The following RBFOX1 variants were observed in gnomAD, a reference collection of about 807,000 sequenced individuals.
RBFOX1 encodes RNA binding protein fox-1 homolog 1.
In RBFOX1, 8 loss-of-function variants were observed where a neutral mutation model predicts 57.7. The ratio of observed to expected loss-of-function variants is 0.14; its 90% CI spans 0.08 to 0.25. The LOEUF (loss-of-function observed/expected upper bound fraction) is 0.25, where lower values mean the gene tolerates loss of function less well. Ranked by LOEUF, RBFOX1 falls within the 10% of genes least tolerant of loss-of-function variation. The pLI, the probability that RBFOX1 is intolerant of heterozygous loss-of-function variation, is 1.00. For synonymous variants in RBFOX1, 326 were observed against 222.4 expected (o/e 1.47, Z -4.15); for missense variants, 611 against 548.5 (o/e 1.11, Z -1.14).
chr16:7,636,946 C>G (rs554456834), intron 11 of RBFOX1, among the ~76,000 whole-genome samples: 2 of 152,134 alleles, frequency 1.3e-5, no homozygotes, highest in Non-Finnish European at 2.9e-5. Context: ...AACCTAATTA[C>G]CTCTCAAAAG....
intron 2 of RBFOX1, among the ~76,000 whole-genome samples, chr16:6,429,490 A>G (rs2094018054): frequency 6.6e-6 from 1 of 152,214 alleles, no homozygotes; most frequent in Non-Finnish European, 1.5e-5. Flanking sequence ...TCATTCATTC[A>G]TCCATGTGCA....
intron 5 of RBFOX1, among the ~76,000 whole-genome samples, chr16:7,535,824 T>C (rs1452991828): frequency 6.6e-6 from 1 of 152,242 alleles, no homozygotes; most frequent in African/African-American, 2.4e-5. Context: ...CACTGTGCCT[T>C]ATTCATCACT....
chr16:7,273,772 A>T (rs1004408128), intron 4 of RBFOX1, among the ~76,000 whole-genome samples: 9 of 152,304 alleles, frequency 5.9e-5, no homozygotes, highest in Admixed American at 3.3e-4. Flanking sequence ...TATTTGCCAT[A>T]CCCATTTCAT....
chr16:5,707,295 A>G (rs2051287264), intron 3 of RBFOX1, among the ~76,000 whole-genome samples: 1 of 152,196 alleles, frequency 6.6e-6, no homozygotes, highest in Non-Finnish European at 1.5e-5. Context: ...TTTGGGAGAA[A>G]GAAAATTGCT....
At chr16:5,456,967 G>T (rs2068649670) in intron 1 of RBFOX1, among the ~76,000 whole-genome samples, 2 of 152,076 alleles carry the variant, frequency 1.3e-5, no homozygotes, top group South Asian at 4.2e-4. Context: ...AACAAATATG[G>T]GTGAAGTGGC....
At chr16:7,167,824 T>C (rs2079875481) in intron 4 of RBFOX1, among the ~76,000 whole-genome samples, 1 of 151,424 alleles carries the variant, frequency 6.6e-6, no homozygotes, top group Non-Finnish European at 1.5e-5. Context: ...ACAAAAACCA[T>C]CTGGCCTGCA....
chr16:5,554,372 C>A (rs1177508069), intron 2 of RBFOX1, among the ~76,000 whole-genome samples: 1 of 151,908 alleles, frequency 6.6e-6, no homozygotes, highest in Admixed American at 6.6e-5. Flanking sequence ...GTAAAAAATG[C>A]AAGTTATATG....
At chr16:7,235,258 G>A (rs1603424170) in intron 4 of RBFOX1, among the ~76,000 whole-genome samples, 2 of 152,250 alleles carry the variant, frequency 1.3e-5, no homozygotes, top group Admixed American at 1.3e-4. Flanking sequence ...ACATTTCAGG[G>A]ATGGGTTACA....
At chr16:7,388,042 T>A (rs74012527) in intron 4 of RBFOX1, among the ~76,000 whole-genome samples, 2 of 151,976 alleles carry the variant, frequency 1.3e-5, no homozygotes, top group African/African-American at 4.8e-5. Context: ...TTTTTTGTTT[T>A]GCTTTTTTTT....
rs144598617 is a variant in RBFOX1, at chr16:5,667,417, A to T, written c.318+68456A>T. On this transcript the variant is annotated intron_variant, in intron 3 of 19. Coordinates refer to the RBFOX1 transcript ENST00000641259. The stretch of plus-strand genomic sequence containing the variant: ...ACATTGTTTATTAATTTCTATTTTG[A>T]TTTTCTGTTTAGAAATATATTTTAA... Among the ~76,000 whole-genome samples the T allele has an allele frequency of 2.8e-3, 425 of 152,230 alleles. 2 individuals are homozygous for T. The highest frequency in any genetic ancestry group is 9.2e-3 in the African/African-American group (381 of 41,532).
intron 2 of RBFOX1, among the ~76,000 whole-genome samples, chr16:6,551,839 G>A (rs1012428054): frequency 6.6e-6 from 1 of 152,182 alleles, no homozygotes; most frequent in African/African-American, 2.4e-5. Flanking sequence ...TTCTGCCAAG[G>A]TGGTTCTTCT....
At chr16:5,549,819 G>T (rs2045385506) in intron 2 of RBFOX1, among the ~76,000 whole-genome samples, 1 of 152,196 alleles carries the variant, frequency 6.6e-6, no homozygotes, top group South Asian at 2.1e-4. Context: ...AATGTAGTTT[G>T]TGAGTTACTG....
intron 4 of RBFOX1, among the ~76,000 whole-genome samples, chr16:7,392,907 T>G (rs2098063980): frequency 6.6e-6 from 1 of 152,126 alleles, no homozygotes; most frequent in Non-Finnish European, 1.5e-5. Context: ...AGAGTCTTGC[T>G]GTGTCCCCCA....
intron 4 of RBFOX1, among the ~76,000 whole-genome samples, chr16:7,144,693 A>T (rs568428501): frequency 1.1e-4 from 17 of 152,022 alleles, no homozygotes; most frequent in Non-Finnish European, 1.9e-4. Context: ...TCTGCAGAGC[A>T]GCTTCCCTCC....
intron 5 of RBFOX1, among the ~76,000 whole-genome samples, chr16:7,552,874 G>A (rs755491590): frequency 6.6e-5 from 10 of 151,922 alleles, no homozygotes; most frequent in Admixed American, 6.6e-5. Context: ...GTAGAGATGG[G>A]GTTTCACCAT....
intron 4 of RBFOX1, among the ~76,000 whole-genome samples, chr16:7,434,909 T>G (rs969058639): frequency 1.3e-5 from 2 of 152,036 alleles, no homozygotes; most frequent in Non-Finnish European, 2.9e-5. Context: ...TGGGCTAATT[T>G]TTGTATTTTT....
chr16:5,896,840 C>G (rs1325303810), intron 4 of RBFOX1, among the ~76,000 whole-genome samples: 2 of 152,202 alleles, frequency 1.3e-5, no homozygotes, highest in South Asian at 4.2e-4. Flanking sequence ...GAAGCATCAA[C>G]AGCATCACTA....
intron 2 of RBFOX1, among the ~76,000 whole-genome samples, chr16:5,489,034 A>T (rs976278502): frequency 6.6e-6 from 1 of 152,196 alleles, no homozygotes; most frequent in African/African-American, 2.4e-5. Flanking sequence ...ATACATAAGA[A>T]CGCCAAGGCA....
At chr16:7,339,478 T>C (rs995936139) in intron 4 of RBFOX1, among the ~76,000 whole-genome samples, 1 of 152,206 alleles carries the variant, frequency 6.6e-6, no homozygotes, top group African/African-American at 2.4e-5. Context: ...TCTTGCTCTG[T>C]AGCCCAGGCT....
Sources: allele counts gnomAD v4.1 joint callset (sites outside exome capture counted in the v4.1 genomes callset), GRCh38; gene constraint gnomAD v4.1.1; transcripts MANE v1.5; gene names NCBI Gene and HGNC (gene_info 2026-07-23, HGNC 2026-07-21).